Variants in NLRC4 observed in about 807,000 individuals in gnomAD.
NLRC4 encodes NLR family CARD domain-containing protein 4.
A neutral mutation model predicts 79.9 loss-of-function variants in NLRC4; 63 were observed. The observed-to-expected ratio is 0.79, with a 90% confidence interval of 0.64 to 0.97. The LOEUF is 0.97. Among genes scored for constraint, NLRC4 ranks in the 50% least tolerant of loss-of-function variants. NLRC4 has a pLI of 0.00. For synonymous variants in NLRC4, 461 were observed against 456.5 expected, an observed-to-expected ratio of 1.01 and a Z score of -0.12; for missense variants, 1,074 against 1,215.2, an observed-to-expected ratio of 0.88 and a Z score of 1.73.
intron 1 of NLRC4, among the ~76,000 whole-genome samples, chr2:32,260,793 T>A (rs1687324167): frequency 6.6e-6 from 1 of 151,998 alleles, no homozygotes; most frequent in Admixed American, 6.6e-5. Flanking sequence ...AACATAAGGG[T>A]GGAATGGCCG....
chr2:32,261,807 G>T (rs1203780254), intron 1 of NLRC4, among the ~76,000 whole-genome samples: 1 of 152,014 alleles, frequency 6.6e-6, no homozygotes, highest in Non-Finnish European at 1.5e-5. Context: ...GAGCAGCCAG[G>T]CGCGGTGGCT....
At chr2:32,229,189 G>A (rs1169805190) in intron 8 of NLRC4, among the ~76,000 whole-genome samples, 5 of 151,890 alleles carry the variant, frequency 3.3e-5, no homozygotes, top group African/African-American at 1.2e-4. Context: ...CAGCACTTTG[G>A]GAGGCTGAAG....
At chr2:32,254,423 G>A (rs999258957) in intron 2 of NLRC4, among the ~76,000 whole-genome samples, 1 of 151,682 alleles carries the variant, frequency 6.6e-6, no homozygotes, top group East Asian at 1.9e-4. Flanking sequence ...AAGCTCTCTC[G>A]CCAGGTCTTG....
At chr2:32,229,543 T>A (rs1031083799) in intron 8 of NLRC4, among the ~76,000 whole-genome samples, 1 of 152,158 alleles carries the variant, frequency 6.6e-6, no homozygotes, top group African/African-American at 2.4e-5. Context: ...AGTCTCAGAT[T>A]GCTGATGGGT....
intron 2 of NLRC4, among the ~76,000 whole-genome samples, chr2:32,253,297 G>A (rs550875060): frequency 6.6e-6 from 1 of 151,714 alleles, no homozygotes; most frequent in Admixed American, 6.6e-5. Flanking sequence ...TTACAGGCAC[G>A]CACCACCACA....
chr2:32,254,193 A>G (rs1687151554), intron 2 of NLRC4, among the ~76,000 whole-genome samples: 1 of 151,988 alleles, frequency 6.6e-6, no homozygotes, highest in African/African-American at 2.4e-5. Context: ...CACACTGGGG[A>G]TTCCTCATCT....
intron 1 of NLRC4, among the ~76,000 whole-genome samples, chr2:32,260,543 A>G (rs1476559315): frequency 1.3e-5 from 2 of 152,218 alleles, no homozygotes; most frequent in Admixed American, 1.3e-4. Flanking sequence ...CTTTCATTCA[A>G]AAAGCCCCCA....
At chr2:32,236,576 C>T (rs1051156733) in intron 6 of NLRC4, among the ~76,000 whole-genome samples, 1 of 152,146 alleles carries the variant, frequency 6.6e-6, no homozygotes. Context: ...TTAATGAATT[C>T]CAGGTCACGT....
At chr2:32,238,044 C>A in intron 6 of NLRC4, 88 bp downstream of exon 6, 346 of 844,832 alleles carry the variant, frequency 4.1e-4, no homozygotes, top group East Asian at 8.0e-4. Flanking sequence ...AATTAAATTT[C>A]CATTTGAGAC....
intron 3 of NLRC4, among the ~76,000 whole-genome samples, chr2:32,252,053 G>A (rs1302956019): frequency 6.6e-6 from 1 of 152,188 alleles, no homozygotes; most frequent in Admixed American, 6.5e-5. Context: ...CAGGAGGCCT[G>A]GACATGGAGT....
intron 1 of NLRC4, among the ~76,000 whole-genome samples, chr2:32,263,798 T>C (rs139987552): frequency 1.3e-5 from 2 of 152,340 alleles, no homozygotes; most frequent in African/African-American, 4.8e-5. Context: ...TTAAACACAT[T>C]AATACGACTA....
chr2:32,235,640 G>A (rs1000306719), intron 7 of NLRC4, 72 bp from the exon 8 acceptor site: 14 of 1,249,866 alleles, frequency 1.1e-5, no homozygotes, highest in African/African-American at 1.5e-5. Flanking sequence ...GGTGTTAGGG[G>A]AGGAATGATC....
At chr2:32,252,356 G>A in intron 3 of NLRC4, 63 bp downstream of exon 3, 1 of 1,233,864 alleles carries the variant, frequency 8.1e-7, no homozygotes, top group Non-Finnish European at 1.2e-6. Context: ...CCATGGGGAA[G>A]ATGGATCTTT....
intron 8 of NLRC4, among the ~76,000 whole-genome samples, chr2:32,233,344 TATA>T (rs1558447252): frequency 5.3e-4 from 23 of 43,272 alleles, no homozygotes; most frequent in South Asian, 4.7e-3. Flanking sequence ...TATATATATA[TATA>T]TATTTTTTTT....
In NLRC4 at chr2:32,232,924, G is replaced by A. The variant is rs1433883590; in HGVS notation, c.2782+2477C>T. On this transcript the variant is annotated intron_variant, in intron 8 of 8. Coordinates refer to ENST00000402280, the MANE Select transcript of NLRC4 (RefSeq NM_001199138.2). ...GTCATTGCATGCTCATAGAATGAAT[G>A]GATGAAGGAGAGTGGAAGGGAAGGT... is the stretch of plus-strand genomic sequence containing the variant. 4.6e-5 allele frequency among the ~76,000 whole-genome samples: 7 copies of A among 152,136 alleles called. No homozygotes were observed. In the East Asian group the frequency reaches 1.4e-3, roughly 29 times the overall value.
rs1033460281 is a variant in NLRC4, at chr2:32,254,621, T to G, written c.2-1942A>C. On this transcript the variant is annotated intron_variant, in intron 2 of 8. Transcript: ENST00000402280. The stretch of plus-strand genomic sequence containing the variant: ...GGGCTAGGCTGCTCCTGGTTTTTTT[T>G]TTTTTTTTTTTTTTCAGACGAAGTT... Among the ~76,000 whole-genome samples, 20 of 149,254 alleles carry G rather than the reference T, an allele frequency of 1.3e-4. No homozygotes were observed. In the East Asian group the frequency reaches 3.1e-3, roughly 23 times the overall value.
intron 1 of NLRC4, among the ~76,000 whole-genome samples, chr2:32,261,338 A>G (rs1253142605): frequency 3.5e-5 from 1 of 28,474 alleles, no homozygotes; most frequent in Non-Finnish European, 8.2e-5. Flanking sequence ...TTTGAGATGG[A>G]GCCTCGCTCT....
Position 32,252,598 on chromosome 2 carries a change from A to G in NLRC4, c.83T>C (p.Phe28Ser). The G allele has an allele frequency of 6.2e-7, 1 of 1,614,106 alleles. No homozygotes were observed. Among genetic ancestry groups the G allele is most frequent in the Non-Finnish European group, 8.5e-7 (1 of 1,179,928 alleles). ...TVIKQITDDL[F>S]VWNVLNREEV... ...TTCGCGATTCAGAACATTCCATACA[A>G]ATAGGTCATCTGTGATTTGCTTTAT... The change falls in exon 3 of 9, where the codon TTT (phenylalanine) becomes TCT (serine). Residue 28 changes from phenylalanine (F) to serine (S), a missense_variant. Coordinates refer to ENST00000402280, the MANE Select transcript of NLRC4 (RefSeq NM_001199138.2).
intron 8 of NLRC4, among the ~76,000 whole-genome samples, chr2:32,232,282 G>A (rs1020976027): frequency 2.6e-5 from 4 of 152,058 alleles, no homozygotes; most frequent in Non-Finnish European, 4.4e-5. Flanking sequence ...GATATACAGC[G>A]TTTTCTTACC....
Sources: allele counts gnomAD v4.1 joint callset (sites outside exome capture counted in the v4.1 genomes callset), GRCh38; gene constraint gnomAD v4.1.1; transcripts MANE v1.5; gene names NCBI Gene and HGNC (gene_info 2026-07-23, HGNC 2026-07-21).